JAK2: variants seen among roughly 807,000 people sequenced by gnomAD.
The protein encoded by JAK2 is tyrosine-protein kinase JAK2.
In JAK2, 86 loss-of-function variants were observed where a neutral mutation model predicts 139.3. That is an observed-to-expected ratio of 0.62 (90% confidence interval 0.52 to 0.74). JAK2 has a LOEUF of 0.74. Ranked by LOEUF, JAK2 falls within the 30% of genes least tolerant of loss-of-function variation. The pLI, the probability that JAK2 is intolerant of heterozygous loss-of-function variation, is 0.00. For synonymous variants in JAK2, 490 were observed against 437.7 expected, an observed-to-expected ratio of 1.12 and a Z score of -1.49; for missense variants, 1,421 against 1,360.3, an observed-to-expected ratio of 1.04 and a Z score of -0.70.
intron 22 of JAK2, among the ~76,000 whole-genome samples, chr9:5,106,603 A>G (rs1279650386): frequency 6.6e-6 from 1 of 152,244 alleles, no homozygotes; most frequent in Non-Finnish European, 1.5e-5. Context: ...ATGCCCATGT[A>G]TGTTTACTGT....
chr9:5,121,777 T>C (rs905686602), intron 22 of JAK2, among the ~76,000 whole-genome samples: 4 of 152,156 alleles, frequency 2.6e-5, no homozygotes, highest in African/African-American at 7.2e-5. Context: ...TTTTGTTCTT[T>C]TTAAATTTGT....
intron 22 of JAK2, chr9:5,095,019 G>C (rs1397130921): frequency 6.6e-6 from 1 of 151,704 alleles, no homozygotes. Flanking sequence ...CCCAAACATA[G>C]GAAATATGTC....
intron 12 of JAK2, among the ~76,000 whole-genome samples, chr9:5,070,818 G>A (rs1306395046): frequency 6.6e-6 from 1 of 152,090 alleles, no homozygotes; most frequent in South Asian, 2.1e-4. Flanking sequence ...GTCAGGTGGT[G>A]AGGGTTGATG....
intron 2 of JAK2, among the ~76,000 whole-genome samples, chr9:5,014,557 GTGGT>G (rs997065329): frequency 2.6e-5 from 4 of 152,168 alleles, no homozygotes; most frequent in African/African-American, 9.7e-5. Context: ...GGCCACTTGA[GTGGT>G]TGGAGCAGGG....
At chr9:5,059,526 T>C (rs1446759457) in intron 8 of JAK2, among the ~76,000 whole-genome samples, 1 of 152,186 alleles carries the variant, frequency 6.6e-6, no homozygotes, top group Non-Finnish European at 1.5e-5. Flanking sequence ...ATGAACATTC[T>C]TATACATATT....
intron 2 of JAK2, among the ~76,000 whole-genome samples, chr9:5,018,679 G>A (rs765940538): frequency 6.6e-6 from 1 of 152,122 alleles, no homozygotes; most frequent in East Asian, 1.9e-4. Context: ...ACTCCCTCAA[G>A]CATTTCTTGT....
At chr9:5,109,574 A>G (rs1822266004) in intron 22 of JAK2, 1 of 152,178 alleles carries the variant, frequency 6.6e-6, no homozygotes, top group African/African-American at 2.4e-5. Flanking sequence ...CCCCTGCAAA[A>G]GAAGATTCAT....
At chr9:5,086,092 G>T in intron 19 of JAK2, 1 of 584,452 alleles carries the variant, frequency 1.7e-6, no homozygotes, top group Non-Finnish European at 3.2e-6. Context: ...AGTCCCTTCT[G>T]CCTATGAGCC....
chr9:4,989,562 A>G (rs990639129), intron 2 of JAK2, among the ~76,000 whole-genome samples: 2 of 152,238 alleles, frequency 1.3e-5, no homozygotes, highest in Non-Finnish European at 2.9e-5. Flanking sequence ...AATACTTGCA[A>G]TGTAAAAGGT....
intron 2 of JAK2, among the ~76,000 whole-genome samples, chr9:5,015,908 T>A (rs958189431): frequency 1.3e-5 from 2 of 151,270 alleles, no homozygotes; most frequent in African/African-American, 4.9e-5. Flanking sequence ...GAGTAAAAAA[T>A]ATCCTGAATA....
intron 2 of JAK2, among the ~76,000 whole-genome samples, chr9:5,009,685 A>C (rs879330195): frequency 6.6e-6 from 1 of 152,024 alleles, no homozygotes; most frequent in Non-Finnish European, 1.5e-5. Flanking sequence ...CTTGATAATC[A>C]TTGCATATTT....
At chr9:5,120,739 T>C (rs1301461982) in intron 22 of JAK2, among the ~76,000 whole-genome samples, 2 of 152,168 alleles carry the variant, frequency 1.3e-5, no homozygotes, top group African/African-American at 4.8e-5. Flanking sequence ...GGAGACTGAT[T>C]GGAGATATTT....
chr9:5,102,118 A>G (rs554425208), intron 22 of JAK2, among the ~76,000 whole-genome samples: 26 of 152,348 alleles, frequency 1.7e-4, no homozygotes, highest in Middle Eastern at 3.4e-3. Flanking sequence ...GTTCAAACCC[A>G]TCGCAAGGAA....
At chr9:5,073,646 A>G in intron 13 of JAK2, 52 bp from the exon 14 acceptor site, 4 of 1,335,564 alleles carry the variant, frequency 3.0e-6, no homozygotes, top group Non-Finnish European at 4.3e-6. Context: ...TTTCTGAACT[A>G]TTTATGGACA....
intron 13 of JAK2, among the ~76,000 whole-genome samples, chr9:5,073,291 G>C (rs1223199625): frequency 6.6e-6 from 1 of 152,182 alleles, no homozygotes; most frequent in South Asian, 2.1e-4. Flanking sequence ...CAGATGTCGT[G>C]ATATTTTATC....
At chr9:4,995,982 T>C (rs1820537016) in intron 2 of JAK2, among the ~76,000 whole-genome samples, 1 of 152,236 alleles carries the variant, frequency 6.6e-6, no homozygotes, top group African/African-American at 2.4e-5. Context: ...ATAGTTTTAT[T>C]TGTATCAAAT....
chr9:4,994,546 T>C (rs1328129012), intron 2 of JAK2, among the ~76,000 whole-genome samples: 3 of 152,208 alleles, frequency 2.0e-5, no homozygotes, highest in African/African-American at 4.8e-5. Context: ...CTATTAAGGA[T>C]CATAAATAAA....
At chr9:5,112,575 G>A (rs1822703931) in intron 22 of JAK2, 1 of 674,522 alleles carries the variant, frequency 1.5e-6, no homozygotes, top group Non-Finnish European at 2.5e-6. Flanking sequence ...AGCGGCTGCG[G>A]GTCCCTTAAG....
intron 4 of JAK2, among the ~76,000 whole-genome samples, chr9:5,031,489 A>G (rs1168451996): frequency 2.0e-5 from 3 of 152,208 alleles, no homozygotes; most frequent in African/African-American, 7.2e-5. Flanking sequence ...TAGTCAACAA[A>G]TGGTGGTAGA....
Sources: allele counts gnomAD v4.1 joint callset (sites outside exome capture counted in the v4.1 genomes callset), GRCh38; gene constraint gnomAD v4.1.1; transcripts MANE v1.5; gene names NCBI Gene and HGNC (gene_info 2026-07-23, HGNC 2026-07-21).